The following MERTK variants were observed in gnomAD, a reference collection of about 807,000 sequenced individuals.
MERTK encodes tyrosine-protein kinase Mer.
MERTK carries 69 observed loss-of-function variants against 99.3 expected under a neutral mutation model. The ratio of observed to expected loss-of-function variants is 0.70; its 90% CI spans 0.57 to 0.85. The LOEUF is 0.85. Among genes scored for constraint, MERTK ranks in the 40% least tolerant of loss-of-function variants. The pLI is 0.00. For synonymous variants in MERTK, 426 were observed against 467.6 expected, an observed-to-expected ratio of 0.91 and a Z score of 1.15; for missense variants, 1,125 against 1,249.4, an observed-to-expected ratio of 0.90 and a Z score of 1.50.
intron 4 of MERTK, among the ~76,000 whole-genome samples, chr2:111,958,358 T>C (rs1455391591): frequency 6.6e-6 from 1 of 152,198 alleles, no homozygotes; most frequent in Non-Finnish European, 1.5e-5. Context: ...TGTACACTCA[T>C]TGCTATGGTC....
intron 8 of MERTK, among the ~76,000 whole-genome samples, chr2:111,984,732 T>C (rs2104742807): frequency 6.6e-6 from 1 of 152,322 alleles, no homozygotes; most frequent in East Asian, 1.9e-4. Context: ...AATAATTACA[T>C]TGAGTTTGCT....
chr2:112,021,306 G>GT (rs1677342144), intron 16 of MERTK, 116 bp from the exon 17 acceptor site: 1 of 1,444,264 alleles, frequency 6.9e-7, no homozygotes, highest in Non-Finnish European at 9.6e-7. Context: ...CAGGCTGGTG[G>GT]TGTCTCTGTG....
Position 111,989,111 on chromosome 2 carries a change from G to A in MERTK, c.1297-5140G>A, listed in dbSNP as rs564502686. On this transcript the variant is annotated intron_variant, in intron 8 of 18. Coordinates refer to ENST00000295408, the MANE Select transcript of MERTK (RefSeq NM_006343.3). ...TCAGAACCCCCCTACTCGTTCCCAG[G>A]CGCCCCTGGCTTTCTTCATAATACA... 1.2e-4 allele frequency among the ~76,000 whole-genome samples: 18 copies of A among 152,236 alleles called. 1 individual carries two copies. The highest frequency in any genetic ancestry group is 4.3e-4 in the African/African-American group (18 of 41,548).
chr2:111,918,812 A>G (rs1684402221), intron 1 of MERTK, among the ~76,000 whole-genome samples: 1 of 152,162 alleles, frequency 6.6e-6, no homozygotes. Flanking sequence ...TTTCACGTGC[A>G]ATATTCCACT....
intron 2 of MERTK, among the ~76,000 whole-genome samples, chr2:111,938,155 C>A (rs1223358970): frequency 6.6e-6 from 1 of 152,158 alleles, no homozygotes; most frequent in East Asian, 1.9e-4. Context: ...CGGCTTATTG[C>A]AGCCTCGACC....
At chr2:111,988,848 C>G (rs1390207376) in intron 8 of MERTK, among the ~76,000 whole-genome samples, 1 of 152,206 alleles carries the variant, frequency 6.6e-6, no homozygotes, top group Non-Finnish European at 1.5e-5. Context: ...ACTTGGGCAG[C>G]TGAGGCAGGA....
At chr2:111,997,176 C>T (rs1299292138) in intron 9 of MERTK, 147 bp from the exon 10 acceptor site, 4 of 945,488 alleles carry the variant, frequency 4.2e-6, no homozygotes, top group Non-Finnish European at 3.5e-6. Context: ...ATGGTCTCAG[C>T]TTACACAAAG....
chr2:111,930,573 GC>G (rs2104688088), intron 2 of MERTK: 1 of 152,492 alleles, frequency 6.6e-6, no homozygotes, highest in Non-Finnish European at 1.5e-5. Flanking sequence ...TGCTGATGTA[GC>G]CCCCGTGCAC....
At chr2:111,917,544 G>C (rs1162351219) in intron 1 of MERTK, among the ~76,000 whole-genome samples, 2 of 152,172 alleles carry the variant, frequency 1.3e-5, no homozygotes, top group African/African-American at 4.8e-5. Flanking sequence ...TAGCCAGTCT[G>C]CCTGCTTCTC....
Position 111,919,424 on chromosome 2 carries a change from G to A in MERTK, c.62-9696G>A, listed in dbSNP as rs1165725996. On this transcript the variant is annotated intron_variant, in intron 1 of 18. Coordinates refer to ENST00000295408, the MANE Select transcript of MERTK (RefSeq NM_006343.3). Reference sequence around the variant, plus strand: ...AAATTCAAGCCCTGGGTGGGACATGGGCATCAGAAGCTTAAAAACATTTCC... The same window carrying A: ...AAATTCAAGCCCTGGGTGGGACATGAGCATCAGAAGCTTAAAAACATTTCC... 3.9e-5 allele frequency among the ~76,000 whole-genome samples: 6 copies of A among 152,030 alleles called. No homozygotes were observed. The East Asian group carries it at 9.6e-4, about 24-fold the overall frequency.
chr2:112,014,362 T>TC (rs1482629585), intron 15 of MERTK, among the ~76,000 whole-genome samples: 1 of 151,626 alleles, frequency 6.6e-6, no homozygotes, highest in Non-Finnish European at 1.5e-5. Context: ...ACAGGGTTTC[T>TC]CCATGTTGGT....
intron 1 of MERTK, among the ~76,000 whole-genome samples, chr2:111,905,254 G>C (rs1002562564): frequency 1.3e-5 from 2 of 151,986 alleles, no homozygotes; most frequent in Non-Finnish European, 2.9e-5. Context: ...CCCTTCATGG[G>C]AGCTGCCACA....
At chr2:111,958,753 C>G (rs1025610954) in intron 4 of MERTK, among the ~76,000 whole-genome samples, 1 of 152,126 alleles carries the variant, frequency 6.6e-6, no homozygotes, top group Non-Finnish European at 1.5e-5. Flanking sequence ...GTTTCCCTTT[C>G]AGCATTAATA....
chr2:111,973,195 A>T (rs930538839), intron 6 of MERTK, among the ~76,000 whole-genome samples: 1 of 152,146 alleles, frequency 6.6e-6, no homozygotes, highest in Admixed American at 6.5e-5. Context: ...GTGCTCTCAG[A>T]CAGTGTCCCT....
rs1546636 is a variant in MERTK at position 111,964,841 on chromosome 2, G to A, written c.758-350G>A. 3.9e-5 allele frequency among the ~76,000 whole-genome samples: 6 copies of A among 152,186 alleles called. No homozygotes were observed. In the South Asian group the frequency reaches 8.3e-4, roughly 21 times the overall value. The stretch of plus-strand genomic sequence containing the variant: ...ATAGTGGCCCTGTATGTACTGGGGG[G>A]TTAGGCAGCAGGATCAGGTGAGCCT... On this transcript the variant is annotated intron_variant, in intron 4 of 18. Transcript: ENST00000295408.
At chr2:111,909,554 AGATT>A (rs1258263620) in intron 1 of MERTK, among the ~76,000 whole-genome samples, 1 of 152,226 alleles carries the variant, frequency 6.6e-6, no homozygotes, top group Non-Finnish European at 1.5e-5. Flanking sequence ...GGATTCACTT[AGATT>A]AAGTACATTT....
intron 8 of MERTK, among the ~76,000 whole-genome samples, chr2:111,990,561 G>A (rs951053582): frequency 1.3e-5 from 2 of 152,210 alleles, no homozygotes; most frequent in East Asian, 3.8e-4. Context: ...AATTCAAAAA[G>A]TAACCTTTCT....
At chr2:111,953,212 A>G (rs1387214407) in intron 4 of MERTK, among the ~76,000 whole-genome samples, 1 of 152,232 alleles carries the variant, frequency 6.6e-6, no homozygotes, top group Non-Finnish European at 1.5e-5. Context: ...GGAAATCCTC[A>G]CTAACATTTC....
At chr2:111,960,700 A>G (rs534592321) in intron 4 of MERTK, among the ~76,000 whole-genome samples, 1 of 152,034 alleles carries the variant, frequency 6.6e-6, no homozygotes, top group South Asian at 2.1e-4. Context: ...TTAAGCAAAA[A>G]CTTTCAAATG....
Sources: gnomAD v4.1 joint callset for allele counts (sites outside exome capture counted in the v4.1 genomes callset) on GRCh38, gnomAD v4.1.1 for gene constraint, MANE v1.5 for transcripts, NCBI Gene and HGNC (gene_info 2026-07-23, HGNC 2026-07-21) for gene names.